EPHB1: variants seen among roughly 807,000 people sequenced by gnomAD.
The protein encoded by EPHB1 is EPH receptor B1, also known as ephrin type-B receptor 1.
A neutral mutation model predicts 94.4 loss-of-function variants in EPHB1; 30 were observed. The ratio of observed to expected loss-of-function variants is 0.32; its 90% CI spans 0.24 to 0.43. The LOEUF (loss-of-function observed/expected upper bound fraction) is 0.43, where lower values mean the gene tolerates loss of function less well. EPHB1 is among the 20% of genes least tolerant of loss of function. EPHB1 has a pLI of 1.00. For missense variants in EPHB1, 1,055 were observed against 1,308.3 expected, an observed-to-expected ratio of 0.81 and a Z score of 2.99; for synonymous variants, 522 against 489.1, an observed-to-expected ratio of 1.07 and a Z score of -0.89.
chr3:134,982,055 C>G (rs550053071), intron 3 of EPHB1, among the ~76,000 whole-genome samples: 1 of 152,168 alleles, frequency 6.6e-6, no homozygotes, highest in Admixed American at 6.5e-5. Flanking sequence ...TTAAGTTGCT[C>G]GTTCAATATC....
At chr3:135,232,184 A>G (rs1943547503) in intron 12 of EPHB1, among the ~76,000 whole-genome samples, 2 of 152,240 alleles carry the variant, frequency 1.3e-5, no homozygotes, top group South Asian at 4.1e-4. Flanking sequence ...GTCTGGAAAA[A>G]TATCACTTTA....
At position 135,132,707 on chromosome 3, in the gene EPHB1, C is replaced by A; in HGVS notation, c.962-7C>A. On this transcript the variant is annotated splice_polypyrimidine_tract_variant and splice_region_variant and intron_variant, in intron 4 of 15. Coordinates refer to ENST00000398015, the MANE Select transcript of EPHB1 (RefSeq NM_004441.5). The stretch of plus-strand genomic sequence containing the variant: ...AGCCTCACTGGACCTTCTTTGTCTC[C>A]CTGCAGGCGTCCCATCAGGTCCCCG... The A allele has an allele frequency of 6.4e-7, 1 of 1,568,860 alleles. No homozygotes were observed. Among genetic ancestry groups the A allele is most frequent in the Non-Finnish European group, 8.7e-7 (1 of 1,152,656 alleles).
chr3:135,168,865 A>G (rs1941727092), intron 9 of EPHB1, among the ~76,000 whole-genome samples: 1 of 152,196 alleles, frequency 6.6e-6, no homozygotes, highest in Admixed American at 6.5e-5. Flanking sequence ...CAAAAGGAGG[A>G]ATCTCACTTC....
At chr3:135,101,266 TCTC>T (rs1939026201) in intron 3 of EPHB1, among the ~76,000 whole-genome samples, 1 of 152,180 alleles carries the variant, frequency 6.6e-6, no homozygotes, top group South Asian at 2.1e-4. Context: ...CGTTCCTACT[TCTC>T]CTGTTCTTCC....
intron 12 of EPHB1, among the ~76,000 whole-genome samples, chr3:135,226,875 G>A (rs574061329): frequency 1.3e-5 from 2 of 151,380 alleles, no homozygotes; most frequent in Non-Finnish European, 2.9e-5. Flanking sequence ...CAGCAACATA[G>A]ACGGAGCTGG....
chr3:135,159,289 C>T (rs1941446582), intron 6 of EPHB1, among the ~76,000 whole-genome samples: 1 of 152,218 alleles, frequency 6.6e-6, no homozygotes, highest in Non-Finnish European at 1.5e-5. Context: ...ATTTTAATCA[C>T]TGAACTTCTT....
chr3:135,227,097 T>C (rs1176050227), intron 12 of EPHB1, among the ~76,000 whole-genome samples: 1 of 152,186 alleles, frequency 6.6e-6, no homozygotes, highest in Non-Finnish European at 1.5e-5. Context: ...AATATACCCA[T>C]GTAATAATCT....
rs541508506 is a variant in EPHB1 at position 134,872,825 on chromosome 3, C to T, written c.59-52991C>T. 9.9e-5 allele frequency among the ~76,000 whole-genome samples: 15 copies of T among 152,266 alleles called. No homozygotes were observed. In the South Asian group the frequency reaches 2.1e-3, roughly 21 times the overall value. ...CTCCCCTACCAGACTGGGCACTCCA[C>T]GAGGCAGGGAATACACCTTATTTTT... On this transcript the variant is annotated intron_variant, in intron 1 of 15. Coordinates refer to ENST00000398015, the MANE Select transcript of EPHB1 (RefSeq NM_004441.5).
At chr3:135,144,384 G>T (rs1013855835) in intron 5 of EPHB1, among the ~76,000 whole-genome samples, 1 of 152,194 alleles carries the variant, frequency 6.6e-6, no homozygotes, top group African/African-American at 2.4e-5. Flanking sequence ...TGAAAGACTT[G>T]TTAAAACACA....
chr3:135,181,841 G>A (rs535008860), intron 10 of EPHB1, among the ~76,000 whole-genome samples: 1 of 152,320 alleles, frequency 6.6e-6, no homozygotes, highest in East Asian at 1.9e-4. Context: ...GCATTTGCCA[G>A]TGCTGCCATG....
chr3:135,050,988 G>C (rs536695249), intron 3 of EPHB1, among the ~76,000 whole-genome samples: 3 of 151,896 alleles, frequency 2.0e-5, no homozygotes, highest in Non-Finnish European at 4.4e-5. Context: ...AGAGAAAGGA[G>C]AATAGCTCCT....
In EPHB1 at chr3:134,925,812, A is replaced by G; in HGVS notation, c.59-4A>G. 6.3e-7 allele frequency: 1 copy of G among 1,589,396 alleles called. No homozygotes were observed. Among genetic ancestry groups the G allele is most frequent in the Non-Finnish European group, 8.6e-7 (1 of 1,167,224 alleles). On this transcript the variant is annotated splice_polypyrimidine_tract_variant and splice_region_variant and intron_variant, in intron 1 of 15. Transcript: ENST00000398015. Reference sequence around the variant, plus strand: ...TTTATTCGTTTTTTCTTTTTAATCTACAGAAACGTTAATGGACACCAGAAC... The same window carrying G: ...TTTATTCGTTTTTTCTTTTTAATCTGCAGAAACGTTAATGGACACCAGAAC...
At chr3:135,206,956 AGT>A (rs1419240648) in intron 12 of EPHB1, among the ~76,000 whole-genome samples, 4 of 152,200 alleles carry the variant, frequency 2.6e-5, no homozygotes, top group Non-Finnish European at 5.9e-5. Context: ...TTTTCTTTCA[AGT>A]GCAATTTAAA....
In EPHB1 at chr3:135,187,448, G is replaced by A. The variant is rs535378279; in HGVS notation, c.1883-5128G>A. ...TTTAGAGTTCAGATGATGGCGAATC[G>A]AAGTACCACAGACATCAAGTCCTGG... On this transcript the variant is annotated intron_variant, in intron 10 of 15. Coordinates refer to ENST00000398015, the MANE Select transcript of EPHB1 (RefSeq NM_004441.5). Among the ~76,000 whole-genome samples the A allele has an allele frequency of 3.9e-5, 6 of 152,126 alleles. No individual in the cohort carries two copies. In the East Asian group the frequency reaches 5.8e-4, roughly 15 times the overall value.
chr3:134,953,841 A>G (rs1285621736), intron 3 of EPHB1, among the ~76,000 whole-genome samples: 2 of 152,200 alleles, frequency 1.3e-5, no homozygotes, highest in African/African-American at 2.4e-5. Context: ...GTAGCTTGTC[A>G]GTTACCTCCT....
intron 12 of EPHB1, among the ~76,000 whole-genome samples, chr3:135,225,393 G>C (rs185437737): frequency 6.6e-6 from 1 of 152,274 alleles, no homozygotes; most frequent in East Asian, 1.9e-4. Context: ...GGCTTCTCCT[G>C]ACTTGTGGTT....
chr3:135,161,318 A>G (rs573750488), intron 6 of EPHB1, among the ~76,000 whole-genome samples: 1 of 151,886 alleles, frequency 6.6e-6, no homozygotes, highest in Non-Finnish European at 1.5e-5. Flanking sequence ...GGTGGGGGGG[A>G]TGAGGACACA....
intron 1 of EPHB1, among the ~76,000 whole-genome samples, chr3:134,914,431 T>C (rs1445121807): frequency 6.6e-6 from 1 of 152,196 alleles, no homozygotes; most frequent in African/African-American, 2.4e-5. Context: ...GACGTCTGAG[T>C]AATTTGCTGA....
At chr3:134,798,967 G>C (rs548192645) in intron 1 of EPHB1, among the ~76,000 whole-genome samples, 1 of 152,344 alleles carries the variant, frequency 6.6e-6, no homozygotes, top group African/African-American at 2.4e-5. Context: ...ACTCCCAGGA[G>C]ACCTGCTCTT....
Sources: allele counts gnomAD v4.1 joint callset (sites outside exome capture counted in the v4.1 genomes callset), GRCh38; gene constraint gnomAD v4.1.1; transcripts MANE v1.5; gene names NCBI Gene and HGNC (gene_info 2026-07-23, HGNC 2026-07-21).